RIGI: variants seen among roughly 807,000 people sequenced by gnomAD.
RIGI encodes the protein antiviral innate immune response receptor RIG-I.
the RIGI span, among the ~76,000 whole-genome samples, chr9:32,468,190 G>T: frequency 1.3e-5 from 2 of 152,226 alleles, no homozygotes; most frequent in African/African-American, 2.4e-5. Flanking sequence ...CTTACTAGTT[G>T]TATGGCTTTA....
At chr9:32,462,186 G>A in the RIGI span, among the ~76,000 whole-genome samples, 3 of 152,118 alleles carry the variant, frequency 2.0e-5, no homozygotes, top group African/African-American at 7.2e-5. Context: ...CTACTGTATG[G>A]ATTGCTGTAA....
At chr9:32,457,415 A>G in the RIGI span, 2 of 1,611,982 alleles carry the variant, frequency 1.2e-6, no homozygotes, top group Non-Finnish European at 1.7e-6. Flanking sequence ...GTGTAATGGC[A>G]TTCCTACAGA....
the RIGI span, among the ~76,000 whole-genome samples, chr9:32,471,519 G>A: frequency 5.9e-5 from 9 of 152,298 alleles, no homozygotes; most frequent in South Asian, 4.1e-4. Context: ...CTCACATTTT[G>A]TAGAAGAAAA....
At chr9:32,481,281 C>A in the RIGI span, 1 of 1,516,508 alleles carries the variant, frequency 6.6e-7, no homozygotes. Flanking sequence ...TTGGCTTCCA[C>A]GGTGCCACTC....
the RIGI span, among the ~76,000 whole-genome samples, chr9:32,466,065 C>T: frequency 7.9e-5 from 12 of 152,304 alleles, no homozygotes; most frequent in African/African-American, 2.9e-4. Flanking sequence ...AATCCTAGCT[C>T]AATTTGCCTT....
At chr9:32,482,616 T>C in the RIGI span, among the ~76,000 whole-genome samples, 1 of 152,084 alleles carries the variant, frequency 6.6e-6, no homozygotes, top group Non-Finnish European at 1.5e-5. Flanking sequence ...ATCCCAGCAC[T>C]TTGGGAGCCC....
chr9:32,481,500 GT>G, the RIGI span: 1 of 1,251,894 alleles, frequency 8.0e-7, no homozygotes. Flanking sequence ...TAAGTTTTCT[GT>G]TAAAAAAAAA....
At chr9:32,520,930 G>T in the RIGI span, among the ~76,000 whole-genome samples, 1 of 151,400 alleles carries the variant, frequency 6.6e-6, no homozygotes, top group Non-Finnish European at 1.5e-5. Flanking sequence ...CGGATCAGCT[G>T]AGGCCACGAG....
At chr9:32,477,120 C>G in the RIGI span, 1 of 1,613,082 alleles carries the variant, frequency 6.2e-7, no homozygotes. Flanking sequence ...CTTTCTAGTT[C>G]CTGCAGCTTT....
At chr9:32,516,782 T>G in the RIGI span, among the ~76,000 whole-genome samples, 2 of 152,204 alleles carry the variant, frequency 1.3e-5, no homozygotes, top group African/African-American at 4.8e-5. Context: ...AGTTAGTGTC[T>G]TTTTTGGGTA....
At chr9:32,472,809 T>A in the RIGI span, among the ~76,000 whole-genome samples, 1 of 152,212 alleles carries the variant, frequency 6.6e-6, no homozygotes, top group Non-Finnish European at 1.5e-5. Flanking sequence ...CTTTTGCTTC[T>A]GTGGTTAAAC....
At chr9:32,516,852 G>A in the RIGI span, among the ~76,000 whole-genome samples, 1 of 152,158 alleles carries the variant, frequency 6.6e-6, no homozygotes, top group Non-Finnish European at 1.5e-5. Flanking sequence ...TCTGTTTGCA[G>A]GTTAATAAAG....
At chr9:32,480,101 C>T in the RIGI span, 2 of 1,139,930 alleles carry the variant, frequency 1.8e-6, no homozygotes, top group Non-Finnish European at 2.5e-6. Flanking sequence ...TTCCTACATC[C>T]AGGACAACTC....
chr9:32,525,594 A>C, the RIGI span, among the ~76,000 whole-genome samples: 1 of 152,352 alleles, frequency 6.6e-6, no homozygotes, highest in South Asian at 2.1e-4. Flanking sequence ...TTAGGCGTGC[A>C]AATAAGATTC....
chr9:32,472,900 CACACATATACAT>C, the RIGI span: 1 of 805,150 alleles, frequency 1.2e-6, no homozygotes, highest in African/African-American at 1.8e-5. Context: ...TATATACACA[CACACATATACAT>C]ACACACACAC....
At chr9:32,494,501 C>T in the RIGI span, among the ~76,000 whole-genome samples, 14 of 152,048 alleles carry the variant, frequency 9.2e-5, no homozygotes, top group African/African-American at 2.7e-4. Context: ...AAGAAACATA[C>T]ATAAGATGTT....
the RIGI span, among the ~76,000 whole-genome samples, chr9:32,480,823 T>G: frequency 1.3e-5 from 2 of 152,206 alleles, no homozygotes; most frequent in African/African-American, 4.8e-5. Context: ...TACAAATGCA[T>G]GCTAATTGAA....
chr9:32,487,776 G>A, the RIGI span: 6 of 1,228,528 alleles, frequency 4.9e-6, no homozygotes, highest in Non-Finnish European at 6.8e-6. Flanking sequence ...GGCACATAAT[G>A]CATATTTACT....
the RIGI span, among the ~76,000 whole-genome samples, chr9:32,465,807 C>G: frequency 6.6e-6 from 1 of 152,184 alleles, no homozygotes; most frequent in East Asian, 1.9e-4. Flanking sequence ...AATCTGATTT[C>G]ATGTTTCTGT....
Sources: allele counts gnomAD v4.1 joint callset (sites outside exome capture counted in the v4.1 genomes callset), GRCh38; gene constraint gnomAD v4.1.1; transcripts MANE v1.5; gene names NCBI Gene and HGNC (gene_info 2026-07-23, HGNC 2026-07-21).